PLSCR4: variants seen among roughly 807,000 people sequenced by gnomAD.
PLSCR4 encodes Ca(2+)-dependent phospholipid scramblase 4.
A neutral mutation model predicts 36.3 loss-of-function variants in PLSCR4; 25 were observed. The ratio of observed to expected loss-of-function variants is 0.69; its 90% CI spans 0.50 to 0.96. The LOEUF (loss-of-function observed/expected upper bound fraction) is 0.96, where lower values mean the gene tolerates loss of function less well. PLSCR4 is among the 40% of genes least tolerant of loss of function. The pLI is 0.00. For missense variants in PLSCR4, 408 were observed against 414.7 expected, an observed-to-expected ratio of 0.98 and a Z score of 0.14; for synonymous variants, 122 against 132.9, an observed-to-expected ratio of 0.92 and a Z score of 0.56.
At chr3:146,240,505 T>C (rs1480433272) in intron 1 of PLSCR4, among the ~76,000 whole-genome samples, 1 of 152,122 alleles carries the variant, frequency 6.6e-6, no homozygotes, top group African/African-American at 2.4e-5. Flanking sequence ...CAGGAGAGGC[T>C]GATGTGGGAG....
chr3:146,241,049 T>C (rs1449129719), intron 1 of PLSCR4, among the ~76,000 whole-genome samples: 3 of 152,112 alleles, frequency 2.0e-5, no homozygotes, highest in Admixed American at 6.6e-5. Flanking sequence ...TGGATGAACC[T>C]TGAAAACATT....
chr3:146,225,594 G>A (rs1173886290), intron 1 of PLSCR4, among the ~76,000 whole-genome samples: 1 of 152,212 alleles, frequency 6.6e-6, no homozygotes, highest in Non-Finnish European at 1.5e-5. Context: ...GGCAGCTAAG[G>A]CTTGGTGAGA....
intron 4 of PLSCR4, among the ~76,000 whole-genome samples, chr3:146,203,370 A>G (rs1487819815): frequency 6.6e-6 from 1 of 151,976 alleles, no homozygotes; most frequent in Admixed American, 6.6e-5. Flanking sequence ...ATGTTTTGCA[A>G]GAGACCCTAA....
chr3:146,249,866 T>C (rs1422299484), intron 1 of PLSCR4, among the ~76,000 whole-genome samples: 6 of 152,164 alleles, frequency 3.9e-5, no homozygotes, highest in Non-Finnish European at 1.5e-5. Context: ...AAATAATTTC[T>C]CAATTGTGTG....
chr3:146,194,414 T>G lies in PLSCR4; in HGVS notation c.987A>C (p.Arg329Ser), dbSNP rs780172293. The change falls in exon 9 of 9, where the codon AGA becomes AGC. Residue 329 changes from arginine (R) to serine (S), a missense_variant. Physicochemically the swap from Arg to Ser is moderately radical, Grantham distance 110 (BLOSUM62 -1). Transcript: ENST00000354952. ...GTTGATGGCTTGCTGTGTCTCTCTA[T>G]CTTGAACGTTGTGGTGGAGATCTTT... ...YFERSPPQRS[R>S] 6.2e-7 allele frequency: 1 copy of G among 1,607,788 alleles called. No homozygotes were observed. The highest frequency in any genetic ancestry group is 8.5e-7 in the Non-Finnish European group (1 of 1,174,460).
chr3:146,228,559 G>A (rs2035569573), intron 1 of PLSCR4, among the ~76,000 whole-genome samples: 1 of 152,012 alleles, frequency 6.6e-6, no homozygotes, highest in Non-Finnish European at 1.5e-5. Context: ...CACCTTAAGA[G>A]GCTAAAAAAT....
At chr3:146,197,998 G>T (rs183745198) in intron 6 of PLSCR4, among the ~76,000 whole-genome samples, 2 of 152,188 alleles carry the variant, frequency 1.3e-5, no homozygotes, top group Admixed American at 1.3e-4. Context: ...ATACTACTCA[G>T]CCATAAAAGG....
At chr3:146,211,399 A>AT (rs1456755573) in intron 3 of PLSCR4, among the ~76,000 whole-genome samples, 1 of 152,000 alleles carries the variant, frequency 6.6e-6, no homozygotes, top group Non-Finnish European at 1.5e-5. Context: ...AAACTGAATC[A>AT]TTTGTCTTTT....
In PLSCR4 at chr3:146,214,310, A is replaced by G. The variant is rs1179679822; in HGVS notation, c.118+6505T>C. The stretch of plus-strand genomic sequence containing the variant: ...CTAATTTTTTGTATTTTTAGTAGAG[A>G]CGGGGTTTCACCGTTTTTTAGCCGG... On this transcript the variant is annotated intron_variant, in intron 3 of 8. Coordinates refer to ENST00000354952, the MANE Select transcript of PLSCR4 (RefSeq NM_020353.3). Among the ~76,000 whole-genome samples, 2 of 52,536 alleles carry G rather than the reference A, an allele frequency of 3.8e-5. 1 individual carries two copies. Among genetic ancestry groups the G allele is most frequent in the Non-Finnish European group, 8.8e-5 (2 of 22,730 alleles). 34.5% of individuals were successfully genotyped at this position (52,536 alleles called of 152,430 possible). A position where few individuals can be genotyped will look rare whatever the true frequency, so the allele number is the denominator to read the frequency against.
intron 7 of PLSCR4, chr3:146,196,264 G>A: frequency 4.9e-6 from 1 of 203,872 alleles, no homozygotes; most frequent in Non-Finnish European, 1.0e-5. Context: ...GACATGTTGG[G>A]CACTTGCATT....
At position 146,204,973 on chromosome 3, in the gene PLSCR4, A is replaced by G. The variant is rs150501101; in HGVS notation, c.354+1553T>C. Among the ~76,000 whole-genome samples, 110 of 152,082 alleles carry G rather than the reference A, an allele frequency of 7.2e-4. 2 individuals carry two copies. In the East Asian group the frequency reaches 0.017, roughly 24 times the overall value. On this transcript the variant is annotated intron_variant, in intron 4 of 8. Coordinates refer to ENST00000354952, the MANE Select transcript of PLSCR4 (RefSeq NM_020353.3). The stretch of plus-strand genomic sequence containing the variant: ...GTAAAATCCAAATTTTCCTGATCCA[A>G]CTGTATTGACTTCTATACACCAATG...
chr3:146,215,949 G>A (rs1006228719), intron 3 of PLSCR4, among the ~76,000 whole-genome samples: 3 of 152,108 alleles, frequency 2.0e-5, no homozygotes, highest in Admixed American at 6.6e-5. Flanking sequence ...AGACAGTCCC[G>A]GCTGGGCACT....
At chr3:146,199,654 TC>T (rs1488478328) in intron 6 of PLSCR4, among the ~76,000 whole-genome samples, 158 bp downstream of exon 6, 1 of 152,136 alleles carries the variant, frequency 6.6e-6, no homozygotes, top group Non-Finnish European at 1.5e-5. Context: ...TCTATGATTT[TC>T]CTTAGGCGAG....
intron 4 of PLSCR4, among the ~76,000 whole-genome samples, chr3:146,201,838 TG>T (rs1486308656): frequency 6.6e-6 from 1 of 152,084 alleles, no homozygotes; most frequent in African/African-American, 2.4e-5. Context: ...ATCTGTTACA[TG>T]TGAGAACATT....
Position 146,249,872 on chromosome 3 carries a change from G to A in PLSCR4, c.-22+1088C>T, listed in dbSNP as rs941324441. Reference sequence around the variant, plus strand: ...TCTTCTTAAAAATAATTTCTCAATTGTGTGTTATTTCATGCCAAACTGAAT... The same window carrying A: ...TCTTCTTAAAAATAATTTCTCAATTATGTGTTATTTCATGCCAAACTGAAT... On this transcript the variant is annotated intron_variant, in intron 1 of 8. Coordinates refer to ENST00000354952, the MANE Select transcript of PLSCR4 (RefSeq NM_020353.3). Among the ~76,000 whole-genome samples the A allele has an allele frequency of 4.6e-4, 70 of 152,010 alleles. 1 individual carries two copies. The highest frequency in any genetic ancestry group is 2.7e-3 in the Admixed American group (41 of 15,288).
intron 5 of PLSCR4, 107 bp downstream of exon 5, chr3:146,200,928 C>T: frequency 1.0e-5 from 7 of 678,708 alleles, no homozygotes; most frequent in South Asian, 2.0e-5. Flanking sequence ...GTTTTTTTTT[C>T]TTTGAGCCAC....
rs116020672 is a variant in PLSCR4 at position 146,197,655 on chromosome 3, T to C, written c.625-862A>G. ...GCTATTTATCTTCAACAATATTATTTTGTGAATAATTAAGATCTTCCTGTT... is the reference window on the plus strand; with the variant it reads ...GCTATTTATCTTCAACAATATTATTCTGTGAATAATTAAGATCTTCCTGTT... On this transcript the variant is annotated intron_variant, in intron 6 of 8. Coordinates refer to ENST00000354952, the MANE Select transcript of PLSCR4 (RefSeq NM_020353.3). Among the ~76,000 whole-genome samples the C allele has an allele frequency of 5.9e-3, 891 of 152,260 alleles. 10 individuals carry two copies. Among genetic ancestry groups the C allele is most frequent in the African/African-American group, 0.021 (854 of 41,562 alleles).
chr3:146,211,309 T>C (rs1196862122), intron 3 of PLSCR4, among the ~76,000 whole-genome samples: 1 of 152,112 alleles, frequency 6.6e-6, no homozygotes, highest in Non-Finnish European at 1.5e-5. Context: ...ACTAATGATG[T>C]TCAGCATCTT....
chr3:146,223,831 ATATAT>A (rs1200062285), intron 1 of PLSCR4: 4 of 135,762 alleles, frequency 2.9e-5, no homozygotes, highest in Admixed American at 7.7e-5. Context: ...CTTTTATATA[ATATAT>A]ATTATGTAAA....
Sources: allele counts gnomAD v4.1 joint callset (sites outside exome capture counted in the v4.1 genomes callset), GRCh38; gene constraint gnomAD v4.1.1; transcripts MANE v1.5; gene names NCBI Gene and HGNC (gene_info 2026-07-23, HGNC 2026-07-21).